The following METTL24 variants were observed in gnomAD, a reference collection of about 807,000 sequenced individuals.
METTL24 encodes the protein probable methyltransferase-like protein 24.
METTL24 carries 29 observed loss-of-function variants against 32.7 expected under a neutral mutation model. The observed-to-expected ratio is 0.89, with a 90% CI of 0.66 to 1.21. The LOEUF (loss-of-function observed/expected upper bound fraction) is 1.21, where lower values mean the gene tolerates loss of function less well. METTL24 is among the 50% of genes most tolerant of loss of function. METTL24 has a pLI of 0.00. For synonymous variants in METTL24, 163 were observed against 179.5 expected (o/e 0.91, Z 0.73); for missense variants, 439 against 468.1 (o/e 0.94, Z 0.57).
intron 1 of METTL24, among the ~76,000 whole-genome samples, chr6:110,334,018 T>A (rs1029078071): frequency 6.7e-6 from 1 of 150,144 alleles, no homozygotes. Context: ...TAGAGTAGTG[T>A]TCTCTATAAG....
intron 1 of METTL24, among the ~76,000 whole-genome samples, chr6:110,353,558 T>TC (rs1263225643): frequency 1.2e-4 from 18 of 150,824 alleles, no homozygotes. Context: ...TTTTTTTTTT[T>TC]TTTTTTTTTT....
intron 1 of METTL24, among the ~76,000 whole-genome samples, chr6:110,328,462 C>G (rs1242220327): frequency 6.6e-6 from 1 of 152,210 alleles, no homozygotes; most frequent in East Asian, 1.9e-4. Context: ...ATCTGAGATT[C>G]TACTTCCCGA....
chr6:110,268,163 C>T (rs1489514153), intron 4 of METTL24, among the ~76,000 whole-genome samples: 2 of 152,104 alleles, frequency 1.3e-5, no homozygotes, highest in Non-Finnish European at 2.9e-5. Flanking sequence ...CTTTTGTTAT[C>T]CTCATGTTAC....
chr6:110,256,987 T>G (rs1284340973), intron 4 of METTL24, among the ~76,000 whole-genome samples: 1 of 152,220 alleles, frequency 6.6e-6, no homozygotes, highest in Non-Finnish European at 1.5e-5. Flanking sequence ...ACAACTGCCC[T>G]TCAAGTACAG....
intron 1 of METTL24, among the ~76,000 whole-genome samples, chr6:110,355,841 C>A (rs568090642): frequency 9.9e-4 from 151 of 152,314 alleles, no homozygotes; most frequent in African/African-American, 2.7e-3. Context: ...CAGCAAGCCA[C>A]CCCCATCTCC....
chr6:110,305,876 CAT>C (rs1771618686), intron 3 of METTL24, among the ~76,000 whole-genome samples: 2 of 152,304 alleles, frequency 1.3e-5, no homozygotes, highest in East Asian at 3.9e-4. Flanking sequence ...CACATGCACA[CAT>C]ATGTTTATTG....
At chr6:110,277,977 T>C (rs1315241062) in intron 4 of METTL24, among the ~76,000 whole-genome samples, 3 of 152,156 alleles carry the variant, frequency 2.0e-5, no homozygotes, top group African/African-American at 7.2e-5. Flanking sequence ...TCCTCAAATT[T>C]TGCCTGTTAT....
intron 4 of METTL24, among the ~76,000 whole-genome samples, chr6:110,264,275 G>GA (rs1770811796): frequency 6.6e-6 from 1 of 151,914 alleles, no homozygotes; most frequent in Non-Finnish European, 1.5e-5. Flanking sequence ...AAATTTACAA[G>GA]AAAAAAACAA....
chr6:110,340,437 C>T (rs1582438844), intron 1 of METTL24, among the ~76,000 whole-genome samples: 1 of 152,140 alleles, frequency 6.6e-6, no homozygotes, highest in Admixed American at 6.5e-5. Flanking sequence ...CACAACCATC[C>T]CTGGCCATGT....
At chr6:110,342,278 C>T (rs933747208) in intron 1 of METTL24, among the ~76,000 whole-genome samples, 1 of 152,200 alleles carries the variant, frequency 6.6e-6, no homozygotes, top group Non-Finnish European at 1.5e-5. Flanking sequence ...ATGCGTCTGC[C>T]ATGCCTGGGG....
intron 4 of METTL24, among the ~76,000 whole-genome samples, chr6:110,272,817 T>C (rs777773763): frequency 2.0e-5 from 3 of 151,752 alleles, no homozygotes; most frequent in Non-Finnish European, 4.4e-5. Flanking sequence ...TTTGATGGGA[T>C]TTTTTTTTCC....
At chr6:110,322,910 G>GC (rs386408236) in intron 1 of METTL24, 38 bp from the exon 2 acceptor site, 44 of 1,402,766 alleles carry the variant, frequency 3.1e-5, no homozygotes, top group Non-Finnish European at 4.1e-5. Flanking sequence ...GTGTAAGGAA[G>GC]AGGAACTGGG....
Position 110,296,552 on chromosome 6 carries a change from C to A in METTL24, c.786+2370G>T, listed in dbSNP as rs535174389. ...TTAAAAGCAGTACAAAAGCCATTTG[C>A]ATCTTTCTGTCACTATCTCAGAATA... On this transcript the variant is annotated intron_variant, in intron 4 of 4. Coordinates refer to ENST00000338882, the MANE Select transcript of METTL24 (RefSeq NM_001123364.3). Among the ~76,000 whole-genome samples the A allele has an allele frequency of 1.3e-5, 2 of 152,310 alleles. 1 individual carries two copies. Among genetic ancestry groups the A allele is most frequent in the South Asian group, 4.1e-4 (2 of 4,824 alleles).
chr6:110,339,619 A>G (rs1772312185), intron 1 of METTL24, among the ~76,000 whole-genome samples: 1 of 152,238 alleles, frequency 6.6e-6, no homozygotes, highest in South Asian at 2.1e-4. Flanking sequence ...GGCAAGAAAG[A>G]TCAGAACTCC....
Position 110,284,822 on chromosome 6 carries a change from C to CAA in METTL24, c.786+14098_786+14099dup, listed in dbSNP as rs111614789. On this transcript the variant is annotated intron_variant, in intron 4 of 4. Coordinates refer to ENST00000338882, the MANE Select transcript of METTL24 (RefSeq NM_001123364.3). ...TCTTCTGAGCTAGATGACATTAAAA[C>CAA]AAAAAAAAAATCCATTTTCTGTCAC... Among the ~76,000 whole-genome samples, 175 of 149,276 alleles carry CAA rather than the reference C, an allele frequency of 1.2e-3. 3 individuals carry two copies. The highest frequency in any genetic ancestry group is 3.4e-3 in the African/African-American group (141 of 40,930).
chr6:110,356,009 G>C (rs1419540565), intron 1 of METTL24, among the ~76,000 whole-genome samples: 1 of 152,184 alleles, frequency 6.6e-6, no homozygotes, highest in Non-Finnish European at 1.5e-5. Context: ...AGAGTTAAGA[G>C]TAATTACTTG....
chr6:110,283,604 G>A (rs1771173619), intron 4 of METTL24, among the ~76,000 whole-genome samples: 1 of 152,146 alleles, frequency 6.6e-6, no homozygotes, highest in African/African-American at 2.4e-5. Flanking sequence ...AGAAATATGG[G>A]AACCGATGAC....
At chr6:110,332,682 A>G (rs1356099319) in intron 1 of METTL24, 2 of 155,036 alleles carry the variant, frequency 1.3e-5, no homozygotes, top group East Asian at 3.9e-4. Context: ...CTGAGGTGGG[A>G]GGATCACCTA....
chr6:110,332,084 G>A (rs1772120124), intron 1 of METTL24, among the ~76,000 whole-genome samples: 1 of 152,164 alleles, frequency 6.6e-6, no homozygotes, highest in East Asian at 1.9e-4. Context: ...ACAGAGGGTA[G>A]GCTGGGAGGC....
Sources: allele counts gnomAD v4.1 joint callset (sites outside exome capture counted in the v4.1 genomes callset), GRCh38; gene constraint gnomAD v4.1.1; transcripts MANE v1.5; gene names NCBI Gene and HGNC (gene_info 2026-07-23, HGNC 2026-07-21).